GORASP2: variants seen among roughly 807,000 people sequenced by gnomAD.
GORASP2 encodes Golgi reassembly-stacking protein 2.
In GORASP2, 22 loss-of-function variants were observed where a neutral mutation model predicts 45.7. That is an observed-to-expected ratio of 0.48 (90% CI 0.34 to 0.69). GORASP2 has a LOEUF of 0.69. Ranked by LOEUF, GORASP2 falls within the 30% of genes least tolerant of loss-of-function variation. The pLI, the probability that GORASP2 is intolerant of heterozygous loss-of-function variation, is 0.01. For missense variants in GORASP2, 491 were observed against 562.7 expected, an observed-to-expected ratio of 0.87 and a Z score of 1.29; for synonymous variants, 221 against 215.6, an observed-to-expected ratio of 1.02 and a Z score of -0.22.
At chr2:170,964,647 C>T (rs1420678337) in intron 9 of GORASP2, among the ~76,000 whole-genome samples, 2 of 151,326 alleles carry the variant, frequency 1.3e-5, no homozygotes, top group Non-Finnish European at 2.9e-5. Flanking sequence ...AATGAGACTC[C>T]GTCTCAAAAA....
At position 170,950,333 on chromosome 2, in the gene GORASP2, T is replaced by A. The variant is rs1575475055; in HGVS notation, c.435+43T>A. 6.1e-6 allele frequency: 6 copies of A among 977,130 alleles called. No individual in the cohort carries two copies. The East Asian group carries it at 1.6e-4, about 27-fold the overall frequency. The allele number at this position is 977,130 out of a possible 1,614,324, so 60.5% of individuals were successfully genotyped here. A position where few individuals can be genotyped will look rare whatever the true frequency, so the allele number is the denominator to read the frequency against. ...TCATAGTGAGAACTATATAAAATTT[T>A]CTCATTGAGGTTTGAGTTGAGAAAG... On this transcript the variant is annotated intron_variant, in intron 4 of 9. Coordinates refer to ENST00000234160, the MANE Select transcript of GORASP2 (RefSeq NM_015530.5).
intron 7 of GORASP2, among the ~76,000 whole-genome samples, chr2:170,959,831 T>TTG (rs1704511728): frequency 6.7e-6 from 1 of 148,712 alleles, no homozygotes; most frequent in East Asian, 2.0e-4. Flanking sequence ...CTTTTTTTTT[T>TTG]TTTTTTTTGA....
chr2:170,959,503 G>A (rs2105327700), intron 7 of GORASP2, among the ~76,000 whole-genome samples: 2 of 152,270 alleles, frequency 1.3e-5, no homozygotes, highest in East Asian at 3.9e-4. Flanking sequence ...CATCACTTTT[G>A]AGTAAATAAA....
At position 170,956,427 on chromosome 2, in the gene GORASP2, T is replaced by C; in HGVS notation, c.700-9T>C. ...GTAATCTTTGTGTTTTTTTTTCTTT[T>C]TTTGGAAGGTCCAGCTGTCCTCAGT... is the stretch of plus-strand genomic sequence containing the variant. On this transcript the variant is annotated splice_polypyrimidine_tract_variant and intron_variant, in intron 6 of 9. Coordinates refer to ENST00000234160, the MANE Select transcript of GORASP2 (RefSeq NM_015530.5). The C allele has an allele frequency of 6.3e-7, 1 of 1,579,468 alleles. No homozygotes were observed. Among genetic ancestry groups the C allele is most frequent in the South Asian group, 1.2e-5 (1 of 85,084 alleles).
chr2:170,946,237 C>T (rs571944895), intron 1 of GORASP2, among the ~76,000 whole-genome samples: 1 of 152,204 alleles, frequency 6.6e-6, no homozygotes, highest in South Asian at 2.1e-4. Context: ...AACTCCTGGA[C>T]TCCAATCCTC....
chr2:170,938,061 T>C (rs1703996201), intron 1 of GORASP2, among the ~76,000 whole-genome samples: 1 of 152,228 alleles, frequency 6.6e-6, no homozygotes, highest in Non-Finnish European at 1.5e-5. Context: ...CATTAGATAC[T>C]GTGTATGAAA....
chr2:170,956,593 T>C, intron 7 of GORASP2, 34 bp downstream of exon 7: 1 of 1,560,664 alleles, frequency 6.4e-7, no homozygotes, highest in Non-Finnish European at 8.7e-7. Flanking sequence ...TTTCAGTCTA[T>C]TTTATGTAAT....
At chr2:170,951,864 C>T (rs1262365427) in intron 5 of GORASP2, among the ~76,000 whole-genome samples, 1 of 152,200 alleles carries the variant, frequency 6.6e-6, no homozygotes, top group African/African-American at 2.4e-5. Context: ...ACCCACACTA[C>T]CTGAGATTCT....
At chr2:170,956,071 G>T (rs933436321) in intron 6 of GORASP2, among the ~76,000 whole-genome samples, 2 of 152,200 alleles carry the variant, frequency 1.3e-5, no homozygotes, top group African/African-American at 2.4e-5. Flanking sequence ...AAATAAACCA[G>T]CTGGGAATTC....
intron 1 of GORASP2, among the ~76,000 whole-genome samples, chr2:170,940,449 T>G (rs1704048964): frequency 2.0e-5 from 3 of 152,094 alleles, no homozygotes; most frequent in Admixed American, 2.0e-4. Flanking sequence ...AAAGAGGTAA[T>G]GTGAAATGAC....
At chr2:170,947,367 G>T (rs1415906473) in intron 1 of GORASP2, among the ~76,000 whole-genome samples, 3 of 152,160 alleles carry the variant, frequency 2.0e-5, no homozygotes, top group Non-Finnish European at 4.4e-5. Context: ...TACTCATACT[G>T]TTTTGTCCAT....
At chr2:170,950,323 T>C (rs1340698316) in intron 4 of GORASP2, 33 bp downstream of exon 4, 2 of 1,075,536 alleles carry the variant, frequency 1.9e-6, no homozygotes, top group Non-Finnish European at 2.7e-6. Context: ...GTGAGAACTA[T>C]ATAAAATTTT....
At chr2:170,950,976 C>G (rs1704286731) in intron 4 of GORASP2, among the ~76,000 whole-genome samples, 2 of 151,658 alleles carry the variant, frequency 1.3e-5, no homozygotes, top group African/African-American at 2.4e-5. Context: ...TTAGAGAGAC[C>G]CTGTCTCAAA....
At chr2:170,959,675 G>A (rs1704506269) in intron 7 of GORASP2, among the ~76,000 whole-genome samples, 1 of 152,282 alleles carries the variant, frequency 6.6e-6, no homozygotes, top group South Asian at 2.1e-4. Context: ...AGACATAAAA[G>A]TAACTATAGA....
At chr2:170,931,247 T>C (rs1257483219) in intron 1 of GORASP2, among the ~76,000 whole-genome samples, 2 of 152,208 alleles carry the variant, frequency 1.3e-5, no homozygotes, top group Admixed American at 1.3e-4. Flanking sequence ...AGTTAGACTT[T>C]TACTAAAGAG....
chr2:170,950,085 C>A, intron 3 of GORASP2, 119 bp from the exon 4 acceptor site: 1 of 593,888 alleles, frequency 1.7e-6, no homozygotes, highest in Non-Finnish European at 3.0e-6. Context: ...TCTGACACAT[C>A]TCTAGCAAGA....
At chr2:170,938,335 TTACTTTTTGTCTGTGTACCTAACCTG>T (rs1237733225) in intron 1 of GORASP2, among the ~76,000 whole-genome samples, 1 of 152,196 alleles carries the variant, frequency 6.6e-6, no homozygotes, top group Non-Finnish European at 1.5e-5. Context: ...TAAGCAACAG[TTACTTTTTGTCTGTGTACCTAACCTG>T]TACTTTACTG....
intron 5 of GORASP2, chr2:170,954,388 ATAAAGG>A: frequency 2.9e-6 from 1 of 340,394 alleles, no homozygotes; most frequent in Non-Finnish European, 5.3e-6. Context: ...TTCTTGAAAA[ATAAAGG>A]AGTAAGGGTG....
intron 3 of GORASP2, 188 bp from the exon 4 acceptor site, chr2:170,950,016 T>G (rs956738881): frequency 5.7e-6 from 3 of 527,066 alleles, no homozygotes; most frequent in Non-Finnish European, 1.0e-5. Context: ...TAAATATTTG[T>G]TAAATATTAT....
Sources: gnomAD v4.1 joint callset for allele counts (sites outside exome capture counted in the v4.1 genomes callset) on GRCh38, gnomAD v4.1.1 for gene constraint, MANE v1.5 for transcripts, NCBI Gene and HGNC (gene_info 2026-07-23, HGNC 2026-07-21) for gene names.